The following THSD7B variants were observed in gnomAD, a reference collection of about 807,000 sequenced individuals.
THSD7B encodes the protein thrombospondin type-1 domain-containing protein 7B.
In THSD7B, 138 loss-of-function variants were observed where a neutral mutation model predicts 213.6. The ratio of observed to expected loss-of-function variants is 0.65; its 90% CI spans 0.56 to 0.74. THSD7B has a LOEUF of 0.74. Among genes scored for constraint, THSD7B ranks in the 30% least tolerant of loss-of-function variants. THSD7B has a pLI of 0.00. For synonymous variants in THSD7B, 742 were observed against 687.0 expected (o/e 1.08, Z -1.25); for missense variants, 1,931 against 1,991.5 (o/e 0.97, Z 0.58).
intron 12 of THSD7B, among the ~76,000 whole-genome samples, chr2:137,389,157 T>G (rs1425707117): frequency 1.4e-5 from 2 of 145,372 alleles, no homozygotes; most frequent in African/African-American, 5.1e-5. Context: ...GAGCTCCCTC[T>G]TCTCTGCACC....
chr2:137,112,463 GT>G (rs1688366286), intron 4 of THSD7B, among the ~76,000 whole-genome samples: 1 of 151,976 alleles, frequency 6.6e-6, no homozygotes, highest in Non-Finnish European at 1.5e-5. Context: ...CTACCAACAA[GT>G]TTTTTGTTAC....
intron 2 of THSD7B, among the ~76,000 whole-genome samples, chr2:136,929,744 T>A (rs1460264632): frequency 6.6e-6 from 1 of 152,164 alleles, no homozygotes; most frequent in Non-Finnish European, 1.5e-5. Context: ...GGCCTATTTG[T>A]GACTCAGAGC....
At chr2:136,773,350 G>A (rs906652920) in intron 1 of THSD7B, among the ~76,000 whole-genome samples, 1 of 152,014 alleles carries the variant, frequency 6.6e-6, no homozygotes, top group African/African-American at 2.4e-5. Context: ...CAAGTCGGGA[G>A]GTGCATGCAG....
At chr2:136,778,056 G>A (rs371075143) in intron 1 of THSD7B, among the ~76,000 whole-genome samples, 1 of 151,936 alleles carries the variant, frequency 6.6e-6, no homozygotes, top group Non-Finnish European at 1.5e-5. Flanking sequence ...GAGAATGAAG[G>A]GCATACTTAT....
At chr2:137,281,327 A>G (rs2104817928) in intron 12 of THSD7B, among the ~76,000 whole-genome samples, 1 of 152,002 alleles carries the variant, frequency 6.6e-6, no homozygotes, top group South Asian at 2.1e-4. Flanking sequence ...TTCACTTTCA[A>G]AATTAGTTGT....
chr2:137,178,266 C>T (rs926583393), intron 7 of THSD7B, among the ~76,000 whole-genome samples: 1 of 151,444 alleles, frequency 6.6e-6, no homozygotes, highest in Non-Finnish European at 1.5e-5. Flanking sequence ...TGTTCTCTTG[C>T]AGGAACAGAA....
chr2:137,142,629 CT>C lies in THSD7B; in HGVS notation c.1370-17580del, dbSNP rs528878872. Among the ~76,000 whole-genome samples, 227 of 152,002 alleles carry C rather than the reference CT, an allele frequency of 1.5e-3. 2 individuals are homozygous for C. Among genetic ancestry groups the C allele is most frequent in the Non-Finnish European group, 2.5e-3 (168 of 67,962 alleles). On this transcript the variant is annotated intron_variant, in intron 5 of 27. Transcript: ENST00000409968. ...ATTGTATATAAGCCATAATATTTATCTTTTCTCACTTAATATTTATAACTTT... is the reference window on the plus strand; with the variant it reads ...ATTGTATATAAGCCATAATATTTATCTTTCTCACTTAATATTTATAACTTT...
intron 15 of THSD7B, among the ~76,000 whole-genome samples, chr2:137,466,093 G>T: frequency 6.6e-6 from 1 of 152,104 alleles, no homozygotes; most frequent in Non-Finnish European, 1.5e-5. Context: ...ATGCAGGTGG[G>T]TAAAATGATA....
At chr2:136,817,435 C>T (rs1682492818) in intron 1 of THSD7B, among the ~76,000 whole-genome samples, 1 of 151,376 alleles carries the variant, frequency 6.6e-6, no homozygotes, top group South Asian at 2.1e-4. Flanking sequence ...GAAGTCCTTG[C>T]CCATGCCTAT....
chr2:137,586,923 CA>C lies in THSD7B; in HGVS notation c.3423+14368del, dbSNP rs200090650. On this transcript the variant is annotated intron_variant, in intron 17 of 27. Coordinates refer to ENST00000409968, the MANE Select transcript of THSD7B (RefSeq NM_001316349.2). ...GTAAGTTCTCCTGGAAAATATCCTG[CA>C]GAGTGTTTTCCAACTTGGTTCCATT... Among the ~76,000 whole-genome samples, 11 of 152,324 alleles carry C rather than the reference CA, an allele frequency of 7.2e-5. No homozygotes were observed. In the East Asian group the frequency reaches 2.1e-3, roughly 29 times the overall value.
intron 3 of THSD7B, among the ~76,000 whole-genome samples, chr2:137,072,020 A>G (rs1283774306): frequency 6.6e-6 from 1 of 152,190 alleles, no homozygotes; most frequent in Non-Finnish European, 1.5e-5. Context: ...GCCTTGTAGT[A>G]TAGTTTGAAG....
At chr2:137,154,398 T>A (rs1044542909) in intron 5 of THSD7B, among the ~76,000 whole-genome samples, 12 of 152,158 alleles carry the variant, frequency 7.9e-5, no homozygotes, top group Non-Finnish European at 1.8e-4. Context: ...GTAATAGATA[T>A]ATTTAAAAAC....
At chr2:137,588,353 T>G (rs1327104996) in intron 17 of THSD7B, among the ~76,000 whole-genome samples, 2 of 152,140 alleles carry the variant, frequency 1.3e-5, no homozygotes, top group African/African-American at 4.8e-5. Flanking sequence ...GCACCCATTG[T>G]CCAACAAGCC....
At chr2:137,374,419 C>T (rs533787940) in intron 12 of THSD7B, among the ~76,000 whole-genome samples, 1 of 152,100 alleles carries the variant, frequency 6.6e-6, no homozygotes, top group Non-Finnish European at 1.5e-5. Context: ...TTCTCTTTGT[C>T]CTTAATGTGT....
intron 7 of THSD7B, among the ~76,000 whole-genome samples, chr2:137,220,331 C>G (rs763638588): frequency 4.2e-4 from 63 of 151,728 alleles, no homozygotes; most frequent in Non-Finnish European, 7.5e-4. Flanking sequence ...TTACAAAACT[C>G]AACAATAAAA....
At chr2:136,866,288 C>G (rs12471391) in intron 1 of THSD7B, among the ~76,000 whole-genome samples, 3,763 of 151,908 alleles carry the variant, frequency 0.025, 67 homozygotes, top group South Asian at 0.051. Flanking sequence ...TTTTCTTTCT[C>G]AGGCTTTATT....
intron 7 of THSD7B, among the ~76,000 whole-genome samples, chr2:137,178,131 C>A (rs1007776866): frequency 6.7e-6 from 1 of 148,352 alleles, no homozygotes; most frequent in South Asian, 2.1e-4. Flanking sequence ...TTGTTTCCTG[C>A]TGCAGAAGTT....
chr2:137,338,819 C>T (rs1050713855), intron 12 of THSD7B, among the ~76,000 whole-genome samples: 1 of 151,978 alleles, frequency 6.6e-6, no homozygotes, highest in Non-Finnish European at 1.5e-5. Flanking sequence ...ATTATGAAAT[C>T]TTTTGTTGAT....
intron 1 of THSD7B, among the ~76,000 whole-genome samples, chr2:136,799,190 G>T (rs764669569): frequency 7.9e-5 from 12 of 151,898 alleles, no homozygotes; most frequent in Non-Finnish European, 1.8e-4. Context: ...TAGCAAAAAA[G>T]ATGTTGGCTG....
Sources: gnomAD v4.1 joint callset for allele counts (sites outside exome capture counted in the v4.1 genomes callset) on GRCh38, gnomAD v4.1.1 for gene constraint, MANE v1.5 for transcripts, NCBI Gene and HGNC (gene_info 2026-07-23, HGNC 2026-07-21) for gene names.